MLF1: variants seen among roughly 807,000 people sequenced by gnomAD.
MLF1 encodes myelodysplasia-myeloid leukemia factor 1.
In MLF1, 37 loss-of-function variants were observed where a neutral mutation model predicts 38.3. The ratio of observed to expected loss-of-function variants is 0.96; its 90% CI spans 0.74 to 1.27. The LOEUF is 1.27. Among genes scored for constraint, MLF1 ranks in the 50% most tolerant of loss-of-function variants. MLF1 has a pLI of 0.00. For synonymous variants in MLF1, 95 were observed against 106.5 expected, an observed-to-expected ratio of 0.89 and a Z score of 0.66; for missense variants, 331 against 349.2, an observed-to-expected ratio of 0.95 and a Z score of 0.42.
intron 1 of MLF1, among the ~76,000 whole-genome samples, chr3:158,589,985 G>A (rs1345560924): frequency 6.6e-6 from 1 of 152,134 alleles, no homozygotes; most frequent in Admixed American, 6.5e-5. Context: ...GGATAATCCA[G>A]GATAATCTTC....
intron 1 of MLF1, among the ~76,000 whole-genome samples, chr3:158,576,470 G>T (rs1020818688): frequency 6.6e-6 from 1 of 152,100 alleles, no homozygotes; most frequent in African/African-American, 2.4e-5. Flanking sequence ...AAAAAACATC[G>T]ATTATGTAGT....
intron 1 of MLF1, among the ~76,000 whole-genome samples, chr3:158,573,954 G>A (rs1430702913): frequency 6.6e-6 from 1 of 152,022 alleles, no homozygotes; most frequent in Non-Finnish European, 1.5e-5. Context: ...ACAGGAGGGA[G>A]CCACCACACC....
intron 1 of MLF1, among the ~76,000 whole-genome samples, chr3:158,577,829 A>G (rs1715684588): frequency 6.6e-6 from 1 of 152,190 alleles, no homozygotes; most frequent in Admixed American, 6.5e-5. Flanking sequence ...TAATATTGTA[A>G]ATATCCATGA....
intron 1 of MLF1, among the ~76,000 whole-genome samples, chr3:158,572,619 G>A (rs537447508): frequency 3.6e-5 from 5 of 137,226 alleles, no homozygotes; most frequent in African/African-American, 1.4e-4. Context: ...GAAGAGGTTT[G>A]AGGGTGAGAG....
intron 1 of MLF1, among the ~76,000 whole-genome samples, chr3:158,579,452 C>T (rs923421330): frequency 4.6e-5 from 7 of 152,158 alleles, no homozygotes; most frequent in African/African-American, 1.7e-4. Flanking sequence ...AGACTATAGG[C>T]TCGCTTTTGT....
chr3:158,589,503 C>A (rs1717814447), intron 1 of MLF1, among the ~76,000 whole-genome samples: 1 of 152,168 alleles, frequency 6.6e-6, no homozygotes, highest in Non-Finnish European at 1.5e-5. Flanking sequence ...AGCCACCGCG[C>A]CCAGCCCTCC....
chr3:158,603,560 G>A (rs569247440), intron 7 of MLF1, among the ~76,000 whole-genome samples: 95 of 152,200 alleles, frequency 6.2e-4, no homozygotes, highest in African/African-American at 2.2e-3. Flanking sequence ...ATTTCTGTCT[G>A]GACATGGTGG....
chr3:158,574,082 C>CA, intron 1 of MLF1, among the ~76,000 whole-genome samples: 1 of 152,182 alleles, frequency 6.6e-6, no homozygotes, highest in East Asian at 1.9e-4. Flanking sequence ...TACAGGCATG[C>CA]GCCACTGCAC....
At chr3:158,571,511 G>T in intron 1 of MLF1, 164 bp downstream of exon 1, 1 of 807,236 alleles carries the variant, frequency 1.2e-6, no homozygotes, top group Admixed American at 2.2e-5. Context: ...AGGGAAGAGA[G>T]AGGAGGATTT....
intron 4 of MLF1, among the ~76,000 whole-genome samples, 197 bp from the exon 5 acceptor site, chr3:158,597,883 A>G (rs1719122352): frequency 6.6e-6 from 1 of 152,106 alleles, no homozygotes; most frequent in African/African-American, 2.4e-5. Context: ...AGGACCCTCT[A>G]GGGGTGACTT....
chr3:158,576,002 G>A (rs1051280213), intron 1 of MLF1, among the ~76,000 whole-genome samples: 6 of 152,172 alleles, frequency 3.9e-5, no homozygotes, highest in Non-Finnish European at 8.8e-5. Flanking sequence ...AGGTGCTGTG[G>A]TTAAATTGTT....
At chr3:158,578,171 A>G (rs1331279220) in intron 1 of MLF1, among the ~76,000 whole-genome samples, 1 of 152,052 alleles carries the variant, frequency 6.6e-6, no homozygotes, top group Non-Finnish European at 1.5e-5. Context: ...ACTAGGGAAC[A>G]TTTCTTTATG....
At chr3:158,593,341 A>T in intron 2 of MLF1, 41 bp from the exon 3 acceptor site, 1 of 1,451,760 alleles carries the variant, frequency 6.9e-7, no homozygotes. Flanking sequence ...CTTCTATATA[A>T]TAAATGTCAT....
intron 6 of MLF1, among the ~76,000 whole-genome samples, chr3:158,601,424 C>T (rs541443668): frequency 2.0e-5 from 3 of 152,080 alleles, no homozygotes; most frequent in African/African-American, 4.8e-5. Flanking sequence ...AAAAATTAGC[C>T]GGGCATGGTG....
chr3:158,598,621 CATA>C (rs1473131710), intron 5 of MLF1, among the ~76,000 whole-genome samples: 1 of 152,100 alleles, frequency 6.6e-6, no homozygotes, highest in East Asian at 1.9e-4. Context: ...TAGAGAATAA[CATA>C]ATAAGTGCCC....
chr3:158,600,015 TAAAGG>T lies in MLF1; in HGVS notation c.459_463del (p.Lys153AsnfsTer9), dbSNP rs754718763. ...AATAAAATTTCTTTATTTTTACAGA[TAAAGG>T]AAACCAGGAAAGCAATGAGAGATTC... On this transcript the variant is annotated frameshift_variant and splice_region_variant, in exon 6 of 8. Coordinates refer to ENST00000466246, the MANE Select transcript of MLF1 (RefSeq NM_001369783.1). LOFTEE classifies it high-confidence loss of function. 7.2e-7 allele frequency: 1 copy of T among 1,380,184 alleles called. No individual in the cohort carries two copies. The highest frequency in any genetic ancestry group is 9.4e-7 in the Non-Finnish European group (1 of 1,058,574). 85.5% of individuals were successfully genotyped at this position (1,380,184 alleles called of 1,614,324 possible).
chr3:158,603,635 C>T (rs772009505), intron 7 of MLF1, among the ~76,000 whole-genome samples: 23 of 151,930 alleles, frequency 1.5e-4, no homozygotes, highest in Non-Finnish European at 2.8e-4. Context: ...GTCAGGAGTT[C>T]GATACCAGCC....
chr3:158,574,298 G>A (rs188508660), intron 1 of MLF1, among the ~76,000 whole-genome samples: 4 of 152,088 alleles, frequency 2.6e-5, no homozygotes, highest in Admixed American at 2.0e-4. Flanking sequence ...TTTAGTTAAC[G>A]TGTTTAGGAG....
At chr3:158,584,260 C>T (rs1716857463) in intron 1 of MLF1, among the ~76,000 whole-genome samples, 1 of 152,160 alleles carries the variant, frequency 6.6e-6, no homozygotes. Flanking sequence ...CTGTCTAAGG[C>T]TTAACCACGT....
Sources: allele counts gnomAD v4.1 joint callset (sites outside exome capture counted in the v4.1 genomes callset), GRCh38; gene constraint gnomAD v4.1.1; transcripts MANE v1.5; gene names NCBI Gene and HGNC (gene_info 2026-07-23, HGNC 2026-07-21).